F8: variants seen among roughly 807,000 people sequenced by gnomAD.
F8 encodes coagulation factor VIII, also known as antihemophilic factor.
A neutral mutation model predicts 140.6 loss-of-function variants in F8; 12 were observed. That is an observed-to-expected ratio of 0.09 (90% CI 0.05 to 0.14). The LOEUF is 0.14. Ranked by LOEUF, F8 falls within the 10% of genes least tolerant of loss-of-function variation. The pLI is 1.00. For missense variants in F8, 1,354 were observed against 1,720.7 expected, an observed-to-expected ratio of 0.79 and a Z score of 3.77; for synonymous variants, 585 against 614.6, an observed-to-expected ratio of 0.95 and a Z score of 0.71.
chrX:154,981,951 C>T (rs1269021683), intron 6 of F8, among the ~76,000 whole-genome samples: 4 of 111,601 alleles, frequency 3.6e-5, no homozygotes, highest in Non-Finnish European at 7.5e-5. Context: ...TTTGGGAGGC[C>T]AAGGCGGGCA....
intron 5 of F8, among the ~76,000 whole-genome samples, chrX:154,985,080 G>A (rs1425623986): frequency 8.9e-6 from 1 of 112,168 alleles, no homozygotes; most frequent in Non-Finnish European, 1.9e-5. Context: ...ATATTGGTTA[G>A]CTTGAGGCAT....
Position 154,844,106 on chromosome X carries a change from T to C in F8, c.6901-6354A>G, listed in dbSNP as rs1476639337. 8.3e-4 allele frequency among the ~76,000 whole-genome samples: 92 copies of C among 111,492 alleles called. No homozygotes were observed. The Middle Eastern group carries it at 0.018, about 22-fold the overall frequency. Reference sequence around the variant, plus strand: ...GTCAAAGATCAGATGGTTGTAGATGTGTGGTATTACTTCTGAGGGCTCTGT... The same window carrying C: ...GTCAAAGATCAGATGGTTGTAGATGCGTGGTATTACTTCTGAGGGCTCTGT... On this transcript the variant is annotated intron_variant, in intron 25 of 25. Coordinates refer to ENST00000360256, the MANE Select transcript of F8 (RefSeq NM_000132.4).
At chrX:154,852,615 G>GT (rs2072624366) in intron 25 of F8, among the ~76,000 whole-genome samples, 1 of 111,368 alleles carries the variant, frequency 9.0e-6, no homozygotes, top group South Asian at 3.7e-4. Flanking sequence ...TAGCTTTGTA[G>GT]TAAGTTCTGA....
intron 22 of F8, among the ~76,000 whole-genome samples, chrX:154,867,021 C>A (rs2072736410): frequency 9.0e-6 from 1 of 111,430 alleles, no homozygotes; most frequent in African/African-American, 3.3e-5. Context: ...GGAGACACTA[C>A]AACTGATGTC....
chrX:154,956,575 C>T (rs1003346062), intron 11 of F8, among the ~76,000 whole-genome samples: 2 of 112,214 alleles, frequency 1.8e-5, no homozygotes, highest in Non-Finnish European at 3.8e-5. Context: ...CTTCCTGCAA[C>T]AGTGCTACAT....
intron 4 of F8, among the ~76,000 whole-genome samples, chrX:154,988,548 T>C: frequency 8.9e-6 from 1 of 112,221 alleles, no homozygotes; most frequent in South Asian, 3.7e-4. Flanking sequence ...TCTGACTTTG[T>C]TGAACTATAG....
At chrX:154,923,545 AAG>A (rs1397190860) in intron 14 of F8, among the ~76,000 whole-genome samples, 1 of 111,918 alleles carries the variant, frequency 8.9e-6, no homozygotes, top group African/African-American at 3.3e-5. Flanking sequence ...TTTTAAAAAG[AAG>A]AGTTTTTGGC....
At chrX:154,978,457 T>C (rs1557283211) in intron 6 of F8, among the ~76,000 whole-genome samples, 2 of 112,075 alleles carry the variant, frequency 1.8e-5, no homozygotes, top group African/African-American at 6.5e-5. Flanking sequence ...CTCAAGCACT[T>C]ATCCTTTGAG....
In F8 at chrX:154,837,455, CTGA is replaced by C; in HGVS notation, c.*139_*141del. 5 of 672,622 alleles carry C rather than the reference CTGA, an allele frequency of 7.4e-6. No homozygotes were observed. Among genetic ancestry groups the C allele is most frequent in the Non-Finnish European group, 1.1e-5 (5 of 440,806 alleles). 55.4% of individuals were successfully genotyped at this position (672,622 alleles called of 1,213,427 possible). On this transcript the variant is annotated 3_prime_UTR_variant, in exon 26 of 26. Transcript: ENST00000360256. ...GGCCCCCCACCAAAGAAATGCAGGA[CTGA>C]TGATAGTTAATTCAGGAGGCTTCAA...
Position 154,836,641 on chromosome X carries a change from TCTC to T in F8, c.*953_*955del, listed in dbSNP as rs1406263925. ...CATTATTAGAATTACAAAGTTTGTA[TCTC>T]CTATCTCAGATAACCATGGATTTTC... On this transcript the variant is annotated 3_prime_UTR_variant, in exon 26 of 26. Coordinates refer to ENST00000360256, the MANE Select transcript of F8 (RefSeq NM_000132.4). 1 of 111,963 alleles carries T rather than the reference TCTC, an allele frequency of 8.9e-6. No homozygotes were observed. Among genetic ancestry groups the T allele is most frequent in the Non-Finnish European group, 1.9e-5 (1 of 53,203 alleles). The allele number at this position is 111,963 out of a possible 1,213,427, so 9.2% of individuals were successfully genotyped here. A position where few individuals can be genotyped will look rare whatever the true frequency, so the allele number is the denominator to read the frequency against.
chrX:154,977,563 T>A (rs1248082807), intron 6 of F8: 1 of 99,274 alleles, frequency 1.0e-5, no homozygotes, highest in African/African-American at 3.7e-5. Flanking sequence ...CTGGCAGGTG[T>A]TTTTTTTTTT....
intron 21 of F8, among the ~76,000 whole-genome samples, chrX:154,898,411 T>C (rs149886507): frequency 8.9e-6 from 1 of 112,524 alleles, no homozygotes; most frequent in Non-Finnish European, 1.9e-5. Context: ...GATTTGTAAC[T>C]GGTTTAATTA....
chrX:154,929,996 G>T lies in F8; in HGVS notation c.3794C>A (p.Pro1265Gln), dbSNP rs782077482. ...TAATGACCTAAAATCTTGAAGTACT[G>T]GAGCATATGCCCCGTCATATGAACC... ...VEGSYDGAYA[P>Q]VLQDFRSLND... The change falls in exon 14 of 26, where the codon CCA becomes CAA. Residue 1265 changes from proline (P) to glutamine (Q), a missense_variant. This residue lies in a region of F8 where 658 missense variants were observed against 666.5 expected (regional missense o/e 0.99). Transcript: ENST00000360256. 1.2e-5 allele frequency: 15 copies of T among 1,208,281 alleles called. No individual in the cohort carries two copies. In the South Asian group the frequency reaches 1.9e-4, roughly 16 times the overall value.
At chrX:154,892,218 C>T (rs1375927589) in intron 22 of F8, among the ~76,000 whole-genome samples, 1 of 112,486 alleles carries the variant, frequency 8.9e-6, no homozygotes, top group Non-Finnish European at 1.9e-5. Context: ...CCACAGGATA[C>T]GGAGTATTCC....
chrX:154,897,121 T>G (rs1174606670), intron 21 of F8, among the ~76,000 whole-genome samples: 2 of 112,439 alleles, frequency 1.8e-5, no homozygotes, highest in Non-Finnish European at 3.8e-5. Context: ...GTATAGCAAA[T>G]GCTTTGGAAT....
chrX:154,874,790 A>C (rs1557273870), intron 22 of F8, among the ~76,000 whole-genome samples: 1 of 112,388 alleles, frequency 8.9e-6, no homozygotes, highest in African/African-American at 3.2e-5. Context: ...GAAAAACAGC[A>C]TAGAGGTTCC....
chrX:154,844,738 C>G (rs1557271570), intron 25 of F8, among the ~76,000 whole-genome samples: 1 of 111,422 alleles, frequency 9.0e-6, no homozygotes, highest in Non-Finnish European at 1.9e-5. Flanking sequence ...CGTCTGCGAA[C>G]AGGGACAATT....
At chrX:154,993,330 C>T (rs782772259) in intron 3 of F8, among the ~76,000 whole-genome samples, 182 bp from the exon 4 acceptor site, 210 of 112,072 alleles carry the variant, frequency 1.9e-3, no homozygotes, top group Non-Finnish European at 3.4e-3. Context: ...TCTCGGCTCA[C>T]AGCAACGTCC....
chrX:154,928,065 G>A (rs1405672281), intron 14 of F8, among the ~76,000 whole-genome samples: 2 of 112,006 alleles, frequency 1.8e-5, no homozygotes, highest in African/African-American at 3.2e-5. Context: ...CTGCTGTGCT[G>A]CACTCCAATG....
Sources: gnomAD v4.1 joint callset for allele counts (sites outside exome capture counted in the v4.1 genomes callset) on GRCh38, gnomAD v4.1.1 for gene constraint, gnomAD v4.1.1 regional missense constraint, MANE v1.5 for transcripts, NCBI Gene and HGNC (gene_info 2026-07-23, HGNC 2026-07-21) for gene names.